RANBP17: variants seen among roughly 807,000 people sequenced by gnomAD.
The protein encoded by RANBP17 is ran-binding protein 17.
In RANBP17, 158 loss-of-function variants were observed where a neutral mutation model predicts 141.2. That is an observed-to-expected ratio of 1.12 (90% CI 0.98 to 1.28). RANBP17 has a LOEUF of 1.28. RANBP17 is among the 50% of genes most tolerant of loss of function. RANBP17 has a pLI of 0.00. For missense variants in RANBP17, 1,438 were observed against 1,290.7 expected, an observed-to-expected ratio of 1.11 and a Z score of -1.75; for synonymous variants, 430 against 450.0, an observed-to-expected ratio of 0.96 and a Z score of 0.56.
chr5:171,177,267 G>A (rs1760546683), intron 16 of RANBP17, among the ~76,000 whole-genome samples: 1 of 151,904 alleles, frequency 6.6e-6, no homozygotes, highest in African/African-American at 2.4e-5. Context: ...CTCTTCTGTA[G>A]CCCCCTTATT....
chr5:171,029,520 C>G (rs1240753836), intron 14 of RANBP17, among the ~76,000 whole-genome samples: 2 of 152,040 alleles, frequency 1.3e-5, no homozygotes, highest in Non-Finnish European at 2.9e-5. Flanking sequence ...TCTTTGTTGG[C>G]TTGCCATGAA....
At chr5:171,221,944 AATTTGTG>A in intron 22 of RANBP17, 104 bp downstream of exon 22, 4 of 768,320 alleles carry the variant, frequency 5.2e-6, no homozygotes, top group South Asian at 1.8e-5. Context: ...TATCTTTATG[AATTTGTG>A]AAGTCGGTAA....
At chr5:171,135,230 A>G (rs2127796777) in intron 14 of RANBP17, among the ~76,000 whole-genome samples, 1 of 150,994 alleles carries the variant, frequency 6.6e-6, no homozygotes, top group South Asian at 2.1e-4. Flanking sequence ...CAGTGAGCTG[A>G]GATCAAGCCA....
At chr5:171,130,431 CTT>C (rs72051535) in intron 14 of RANBP17, among the ~76,000 whole-genome samples, 4,081 of 89,606 alleles carry the variant, frequency 0.046, 21 homozygotes, top group East Asian at 0.12. Flanking sequence ...TTTAAAAAGA[CTT>C]TTTTTTTTTT....
At chr5:171,285,553 AAGAGTG>A (rs1004211162) in intron 25 of RANBP17, among the ~76,000 whole-genome samples, 2 of 152,224 alleles carry the variant, frequency 1.3e-5, no homozygotes, top group Admixed American at 6.5e-5. Context: ...TGATATTGGC[AAGAGTG>A]AGAGTTTCCC....
At chr5:170,912,195 A>G (rs1444397291) in intron 7 of RANBP17, among the ~76,000 whole-genome samples, 1 of 151,966 alleles carries the variant, frequency 6.6e-6, no homozygotes, top group Non-Finnish European at 1.5e-5. Context: ...GGTGATGGAA[A>G]CATGAACCAA....
chr5:171,209,575 T>C (rs1406404034), intron 20 of RANBP17, among the ~76,000 whole-genome samples: 1 of 152,186 alleles, frequency 6.6e-6, no homozygotes, highest in Non-Finnish European at 1.5e-5. Context: ...CACTCTCTAG[T>C]TGATCACACA....
At chr5:171,118,930 A>G (rs187101842) in intron 14 of RANBP17, among the ~76,000 whole-genome samples, 336 of 152,148 alleles carry the variant, frequency 2.2e-3, no homozygotes, top group Non-Finnish European at 2.7e-3. Context: ...TCTCTTGTCT[A>G]ATTGCTCTGG....
intron 12 of RANBP17, among the ~76,000 whole-genome samples, chr5:170,944,786 TAATC>T (rs1774616631): frequency 6.6e-6 from 1 of 152,216 alleles, no homozygotes; most frequent in South Asian, 2.1e-4. Context: ...TGCTCATAAT[TAATC>T]ACATGCTATC....
intron 5 of RANBP17, among the ~76,000 whole-genome samples, chr5:170,904,668 A>G (rs1770932500): frequency 6.6e-6 from 1 of 152,138 alleles, no homozygotes; most frequent in Non-Finnish European, 1.5e-5. Flanking sequence ...AACTTCAGAC[A>G]TTTGTCTTCA....
chr5:170,875,411 T>C (rs970607979), intron 1 of RANBP17, among the ~76,000 whole-genome samples: 1 of 152,206 alleles, frequency 6.6e-6, no homozygotes, highest in Non-Finnish European at 1.5e-5. Flanking sequence ...TGAAGTGTGT[T>C]TTCCAACTTG....
intron 13 of RANBP17, among the ~76,000 whole-genome samples, chr5:170,954,028 C>T (rs1289400251): frequency 6.6e-6 from 1 of 152,070 alleles, no homozygotes; most frequent in Non-Finnish European, 1.5e-5. Context: ...TGACATACAT[C>T]CAATCAGAAA....
At chr5:171,166,948 G>C (rs1296677013) in intron 14 of RANBP17, among the ~76,000 whole-genome samples, 3 of 152,178 alleles carry the variant, frequency 2.0e-5, no homozygotes, top group Non-Finnish European at 4.4e-5. Context: ...AAGCTTGACT[G>C]TCAGATCCTA....
At position 171,006,408 on chromosome 5, in the gene RANBP17, A is replaced by G. The variant is rs188980808; in HGVS notation, c.1710+38031A>G. Among the ~76,000 whole-genome samples the G allele has an allele frequency of 7.7e-4, 117 of 152,330 alleles. 2 individuals carry two copies. The East Asian group carries it at 0.021, about 27-fold the overall frequency. On this transcript the variant is annotated intron_variant, in intron 14 of 27. Coordinates refer to ENST00000523189, the MANE Select transcript of RANBP17 (RefSeq NM_022897.5). ...TGGCACATATACACCATGGAATACT[A>G]TGCAGCCATAAAAAATTATGAGTTG... is the stretch of plus-strand genomic sequence containing the variant.
At chr5:171,026,886 C>G (rs1227211954) in intron 14 of RANBP17, among the ~76,000 whole-genome samples, 1 of 152,170 alleles carries the variant, frequency 6.6e-6, no homozygotes, top group African/African-American at 2.4e-5. Flanking sequence ...CTGTTAGGAC[C>G]TGGACTACAT....
chr5:171,096,616 G>C (rs1581626307), intron 14 of RANBP17, among the ~76,000 whole-genome samples: 1 of 152,110 alleles, frequency 6.6e-6, no homozygotes, highest in African/African-American at 2.4e-5. Context: ...CCTACCAAAG[G>C]GTAAGAGAAA....
chr5:170,989,676 T>G lies in RANBP17; in HGVS notation c.1710+21299T>G, dbSNP rs554332861. ...GCCTGAGAGCTTGGTATTAAGTAGT[T>G]TAAACATCTTAATAATGTATTGGAG... is the stretch of plus-strand genomic sequence containing the variant. On this transcript the variant is annotated intron_variant, in intron 14 of 27. Coordinates refer to ENST00000523189, the MANE Select transcript of RANBP17 (RefSeq NM_022897.5). Among the ~76,000 whole-genome samples the G allele has an allele frequency of 4.6e-5, 7 of 151,772 alleles. No homozygotes were observed. The East Asian group carries it at 1.4e-3, about 29-fold the overall frequency.
chr5:170,891,823 A>C (rs1392120302), intron 3 of RANBP17, among the ~76,000 whole-genome samples: 1 of 152,232 alleles, frequency 6.6e-6, no homozygotes, highest in Non-Finnish European at 1.5e-5. Flanking sequence ...GGTCAGGGAC[A>C]CAAATCCAAA....
intron 16 of RANBP17, among the ~76,000 whole-genome samples, chr5:171,182,544 A>G (rs1028282539): frequency 2.6e-5 from 4 of 152,210 alleles, no homozygotes; most frequent in Admixed American, 1.3e-4. Context: ...TTCATTATTT[A>G]TGGACTAAAA....
Sources: allele counts gnomAD v4.1 joint callset (sites outside exome capture counted in the v4.1 genomes callset), GRCh38; gene constraint gnomAD v4.1.1; transcripts MANE v1.5; gene names NCBI Gene and HGNC (gene_info 2026-07-23, HGNC 2026-07-21).